The following MYO5A variants were observed in gnomAD, a reference collection of about 807,000 sequenced individuals.
MYO5A encodes the protein myosin VA.
In MYO5A, 98 loss-of-function variants were observed where a neutral mutation model predicts 249.7. The observed-to-expected ratio is 0.39, with a 90% CI of 0.33 to 0.46. The LOEUF is 0.46. Ranked by LOEUF, MYO5A falls within the 20% of genes least tolerant of loss-of-function variation. The pLI, the probability that MYO5A is intolerant of heterozygous loss-of-function variation, is 0.98. For synonymous variants in MYO5A, 778 were observed against 810.6 expected (o/e 0.96, Z 0.68); for missense variants, 1,696 against 2,308.8 (o/e 0.73, Z 5.44).
chr15:52,313,822 A>G lies in MYO5A; in HGVS notation c.5517T>C (p.Ser1839=). Residue 1839 remains serine, a synonymous_variant, in exon 42 of 42, where the codon TCT becomes TCC. Transcript: ENST00000399233. ...IQMRLRDRKD[S]PQLLMDAKHI... Reference sequence around the variant, plus strand: ...GTTTAGCATCCATGAGCAGCTGGGGAGAGTCTTTCCTGTCTCGTAAACGCA... The same window carrying G: ...GTTTAGCATCCATGAGCAGCTGGGGGGAGTCTTTCCTGTCTCGTAAACGCA... The G allele has an allele frequency of 6.2e-7, 1 of 1,614,106 alleles. No individual in the cohort carries two copies. The highest frequency in any genetic ancestry group is 8.5e-7 in the Non-Finnish European group (1 of 1,179,994).
chr15:52,415,749 T>C (rs1182965925), intron 5 of MYO5A, among the ~76,000 whole-genome samples: 2 of 152,214 alleles, frequency 1.3e-5, no homozygotes, highest in African/African-American at 4.8e-5. Flanking sequence ...ACAAATCTTA[T>C]GTTTTAGAAG....
chr15:52,424,631 A>G (rs2075356132), intron 4 of MYO5A, among the ~76,000 whole-genome samples: 1 of 152,302 alleles, frequency 6.6e-6, no homozygotes, highest in South Asian at 2.1e-4. Flanking sequence ...CCAATCATGT[A>G]TACTCTCCCT....
chr15:52,452,134 C>G (rs1052493506), intron 1 of MYO5A, among the ~76,000 whole-genome samples: 4 of 152,050 alleles, frequency 2.6e-5, no homozygotes, highest in Non-Finnish European at 5.9e-5. Context: ...CCCCTCCCCC[C>G]ACTGAAAACC....
At chr15:52,328,087 G>A (rs886345811) in intron 35 of MYO5A, 81 bp from the exon 36 acceptor site, 2 of 1,174,814 alleles carry the variant, frequency 1.7e-6, no homozygotes, top group Non-Finnish European at 2.5e-6. Context: ...AAACACAGTT[G>A]TCATGTAAGA....
intron 1 of MYO5A, among the ~76,000 whole-genome samples, chr15:52,464,240 G>A (rs996335686): frequency 1.3e-5 from 2 of 152,136 alleles, no homozygotes; most frequent in Non-Finnish European, 2.9e-5. Flanking sequence ...TATACTCTAC[G>A]ATGTACTATG....
intron 1 of MYO5A, among the ~76,000 whole-genome samples, chr15:52,503,199 C>T (rs1468031799): frequency 6.6e-6 from 1 of 151,980 alleles, no homozygotes; most frequent in Admixed American, 6.6e-5. Context: ...ATGTTTCTAG[C>T]ATAAAGAAAA....
intron 1 of MYO5A, among the ~76,000 whole-genome samples, chr15:52,465,668 T>C (rs959407935): frequency 2.0e-5 from 3 of 151,986 alleles, no homozygotes; most frequent in African/African-American, 4.8e-5. Flanking sequence ...AGAAAATAAA[T>C]AGAATAAATT....
chr15:52,355,475 G>A (rs535685629), intron 25 of MYO5A, among the ~76,000 whole-genome samples: 1 of 152,354 alleles, frequency 6.6e-6, no homozygotes, highest in East Asian at 1.9e-4. Flanking sequence ...CCACTAAGAA[G>A]AGACTGCTGA....
intron 16 of MYO5A, among the ~76,000 whole-genome samples, chr15:52,380,782 A>AAC (rs1040021228): frequency 1.3e-5 from 2 of 152,068 alleles, no homozygotes; most frequent in African/African-American, 4.8e-5. Flanking sequence ...CAACAGCAAC[A>AAC]ACACAGCACT....
In MYO5A at chr15:52,407,322, C is replaced by T. The variant is rs991648930; in HGVS notation, c.916G>A (p.Ala306Thr). The T allele has an allele frequency of 1.2e-6, 2 of 1,613,498 alleles. No homozygotes were observed. Among genetic ancestry groups the T allele is most frequent in the South Asian group, 2.2e-5 (2 of 91,072 alleles). Residue 306 changes from alanine to threonine, a missense_variant, in exon 8 of 42, where the codon GCA becomes ACA. Ala to Thr is a moderately conservative substitution (Grantham distance 58). Transcript: ENST00000399233. The stretch of plus-strand genomic sequence containing the variant: ...AAAGTGCAGGCCTGCCTAGTATGTG[C>T]CATCTCCTTTGCATCATCCACTCCT... The part of the protein sequence containing the change: ...IEGVDDAKEM[A>T]HTRQACTLLG...
chr15:52,444,747 T>C (rs372637813), intron 1 of MYO5A, among the ~76,000 whole-genome samples: 3 of 152,214 alleles, frequency 2.0e-5, no homozygotes, highest in Admixed American at 6.5e-5. Context: ...ATATTAAATA[T>C]GTACAGGCCT....
chr15:52,384,787 A>T (rs147437388), intron 14 of MYO5A, among the ~76,000 whole-genome samples: 95 of 152,342 alleles, frequency 6.2e-4, no homozygotes, highest in African/African-American at 2.2e-3. Context: ...CTACCTACTA[A>T]CTTAAGTGCT....
chr15:52,466,740 C>T (rs2076361671), intron 1 of MYO5A, among the ~76,000 whole-genome samples: 1 of 152,204 alleles, frequency 6.6e-6, no homozygotes, highest in Non-Finnish European at 1.5e-5. Flanking sequence ...TAGCTCCATT[C>T]CAGCTTTGCC....
intron 33 of MYO5A, 81 bp from the exon 34 acceptor site, chr15:52,336,637 C>T: frequency 1.9e-6 from 2 of 1,054,954 alleles, no homozygotes; most frequent in Admixed American, 4.1e-5. Context: ...GACACAATAT[C>T]ACAGAAACAA....
At chr15:52,495,657 C>A (rs896900993) in intron 1 of MYO5A, among the ~76,000 whole-genome samples, 9 of 152,036 alleles carry the variant, frequency 5.9e-5, no homozygotes, top group African/African-American at 2.2e-4. Flanking sequence ...CAAATATATA[C>A]AGTATTTACT....
intron 1 of MYO5A, among the ~76,000 whole-genome samples, chr15:52,484,955 C>T (rs2076787645): frequency 6.6e-6 from 1 of 152,156 alleles, no homozygotes; most frequent in Non-Finnish European, 1.5e-5. Flanking sequence ...CTCCTGACCA[C>T]AGGTGATCCG....
intron 37 of MYO5A, 99 bp downstream of exon 37, chr15:52,323,256 T>G: frequency 9.6e-7 from 1 of 1,036,768 alleles, no homozygotes; most frequent in Non-Finnish European, 1.5e-6. Context: ...GAATTTGGGT[T>G]CCTAAATAAA....
chr15:52,340,809 G>A (rs760195293), intron 31 of MYO5A, among the ~76,000 whole-genome samples: 6 of 152,032 alleles, frequency 3.9e-5, no homozygotes, highest in African/African-American at 9.7e-5. Context: ...TTAGTCAGGC[G>A]TGTTGGGGCA....
intron 1 of MYO5A, among the ~76,000 whole-genome samples, chr15:52,482,771 G>A (rs1267116105): frequency 1.3e-5 from 2 of 152,126 alleles, no homozygotes; most frequent in African/African-American, 4.8e-5. Context: ...AGTTGCGGCA[G>A]CTCAAGGCAA....
Sources: allele counts gnomAD v4.1 joint callset (sites outside exome capture counted in the v4.1 genomes callset), GRCh38; gene constraint gnomAD v4.1.1; transcripts MANE v1.5; gene names NCBI Gene and HGNC (gene_info 2026-07-23, HGNC 2026-07-21).